NINL: variants seen among roughly 807,000 people sequenced by gnomAD.
NINL encodes the protein ninein-like protein.
NINL carries 153 observed loss-of-function variants against 160.3 expected under a neutral mutation model. The observed-to-expected ratio is 0.95, with a 90% CI of 0.84 to 1.09. The LOEUF (loss-of-function observed/expected upper bound fraction) is 1.09, where lower values mean the gene tolerates loss of function less well. Among genes scored for constraint, NINL ranks in the 50% least tolerant of loss-of-function variants. The pLI is 0.00. For missense variants in NINL, 1,829 were observed against 1,764.0 expected (o/e 1.04, Z -0.66); for synonymous variants, 800 against 734.8 (o/e 1.09, Z -1.43).
intron 1 of NINL, among the ~76,000 whole-genome samples, chr20:25,541,528 T>C (rs1347723266): frequency 6.6e-6 from 1 of 152,230 alleles, no homozygotes; most frequent in Non-Finnish European, 1.5e-5. Flanking sequence ...TATCCACACA[T>C]ACTTATATTC....
chr20:25,551,735 C>T (rs2064809215), intron 1 of NINL, among the ~76,000 whole-genome samples: 1 of 152,160 alleles, frequency 6.6e-6, no homozygotes, highest in Admixed American at 6.5e-5. Flanking sequence ...TCTTTGAAAA[C>T]AGGGAATGGA....
At chr20:25,494,655 T>G (rs1184145233) in intron 10 of NINL, among the ~76,000 whole-genome samples, 1 of 152,182 alleles carries the variant, frequency 6.6e-6, no homozygotes, top group African/African-American at 2.4e-5. Context: ...CCACCCCCTA[T>G]GGACTGAACC....
At chr20:25,474,697 C>G (rs780672985) in intron 17 of NINL, among the ~76,000 whole-genome samples, 25 of 151,166 alleles carry the variant, frequency 1.7e-4, no homozygotes, top group Non-Finnish European at 3.4e-4. Context: ...TCACTGAAAC[C>G]TCTGCCTCTC....
At chr20:25,562,786 A>G in intron 1 of NINL, among the ~76,000 whole-genome samples, 1 of 152,044 alleles carries the variant, frequency 6.6e-6, no homozygotes, top group East Asian at 1.9e-4. Flanking sequence ...AAAAAAAAAC[A>G]AAAACAAAAA....
intron 1 of NINL, among the ~76,000 whole-genome samples, chr20:25,528,770 T>C (rs1031885447): frequency 6.6e-6 from 1 of 152,158 alleles, no homozygotes; most frequent in African/African-American, 2.4e-5. Context: ...GTTCAGCCTA[T>C]AAGGTAGGCA....
intron 23 of NINL, among the ~76,000 whole-genome samples, chr20:25,454,638 C>T (rs1404832056): frequency 2.6e-5 from 4 of 152,136 alleles, no homozygotes; most frequent in Admixed American, 6.5e-5. Flanking sequence ...AATACTTCTC[C>T]AGGTTTTCAT....
intron 1 of NINL, among the ~76,000 whole-genome samples, chr20:25,529,707 G>A (rs1600283967): frequency 6.6e-6 from 1 of 152,286 alleles, no homozygotes; most frequent in Middle Eastern, 3.4e-3. Context: ...GGGCGTGGTG[G>A]TGCATGCCTG....
intron 1 of NINL, among the ~76,000 whole-genome samples, chr20:25,527,583 A>G (rs1163866197): frequency 1.3e-5 from 2 of 152,126 alleles, no homozygotes; most frequent in African/African-American, 4.8e-5. Context: ...CAATAAGGAA[A>G]AAAAGGAAAC....
chr20:25,461,842 T>G (rs896593082), intron 20 of NINL, among the ~76,000 whole-genome samples: 2 of 152,206 alleles, frequency 1.3e-5, no homozygotes, highest in Non-Finnish European at 2.9e-5. Context: ...TGAGACAGTG[T>G]CAGGTGCGCC....
chr20:25,544,993 A>G (rs558211059), intron 1 of NINL, among the ~76,000 whole-genome samples: 1 of 152,366 alleles, frequency 6.6e-6, no homozygotes, highest in South Asian at 2.1e-4. Context: ...AAGTGAGATG[A>G]GGGACTGAGG....
rs1227094173 is a variant in NINL at position 25,462,527 on chromosome 20, C to T, written c.3438G>A (p.Lys1146=). The stretch of plus-strand genomic sequence containing the variant: ...TGACATTGAGCTGGGATAATTGATC[C>T]TTGTAGTTCTGATTCTGGGGGAAAA... ...EVLNRQNQNY[K]DQLSQLNVRV... The change falls in exon 20 of 24, where the codon AAG becomes AAA. Residue 1146 remains lysine, a synonymous_variant. Coordinates refer to ENST00000278886, the MANE Select transcript of NINL (RefSeq NM_025176.6). The T allele has an allele frequency of 1.2e-6, 2 of 1,603,496 alleles. No homozygotes were observed. Among genetic ancestry groups the T allele is most frequent in the Non-Finnish European group, 1.7e-6 (2 of 1,177,608 alleles).
rs1177742065 is a variant in NINL at position 25,526,467 on chromosome 20, G to A, written c.121C>T (p.Leu41=). Residue 41 remains leucine, a synonymous_variant, in exon 2 of 24, where the codon CTG becomes TTG. Transcript: ENST00000278886. ...AGGAGGACGGGCAGCTGCTGCTCCA[G>A]GTGAAGCTTAAGGCAGAGCTGGGTC... is the stretch of plus-strand genomic sequence containing the variant. The part of the protein sequence containing the change: ...ELTQLCLKLH[L]EQQLPVLLQT... The A allele has an allele frequency of 1.1e-5, 18 of 1,614,078 alleles. No individual in the cohort carries two copies. Among genetic ancestry groups the A allele is most frequent in the Non-Finnish European group, 1.4e-5 (16 of 1,180,028 alleles).
intron 5 of NINL, among the ~76,000 whole-genome samples, chr20:25,506,298 T>C (rs2063961530): frequency 6.6e-6 from 1 of 152,158 alleles, no homozygotes; most frequent in African/African-American, 2.4e-5. Flanking sequence ...TATTTGTATT[T>C]ACAATAAAAA....
chr20:25,554,523 G>A (rs1261443873), intron 1 of NINL, among the ~76,000 whole-genome samples: 1 of 151,418 alleles, frequency 6.6e-6, no homozygotes, highest in Non-Finnish European at 1.5e-5. Flanking sequence ...AGTGGTTCAT[G>A]CCTGTAATCC....
rs773118633 is a variant in NINL at position 25,526,524 on chromosome 20, T to C, written c.64A>G (p.Thr22Ala). 5.6e-6 allele frequency: 9 copies of C among 1,614,198 alleles called. No homozygotes were observed. The highest frequency in any genetic ancestry group is 2.2e-5 in the East Asian group (1 of 44,888). Residue 22 changes from threonine to alanine, a missense_variant, in exon 2 of 24, where the codon ACG becomes GCG. Coordinates refer to ENST00000278886, the MANE Select transcript of NINL (RefSeq NM_025176.6). Reference protein sequence around the residue: ...LREVYSSCDTTGTGFLDRQEL... With the variant: ...LREVYSSCDTAGTGFLDRQEL... ...TGGCGGTCCAGAAAGCCAGTCCCCG[T>C]GGTGTCGCAGCTGCTGTAGACTTCC...
At chr20:25,487,937 C>T (rs1380024756) in intron 13 of NINL, among the ~76,000 whole-genome samples, 1 of 152,228 alleles carries the variant, frequency 6.6e-6, no homozygotes, top group African/African-American at 2.4e-5. Flanking sequence ...GAGAAACACC[C>T]GAGCTTTAAA....
intron 1 of NINL, among the ~76,000 whole-genome samples, chr20:25,532,379 C>T (rs2064480420): frequency 1.3e-5 from 2 of 152,242 alleles, no homozygotes; most frequent in African/African-American, 4.8e-5. Context: ...GCCAGCAGGG[C>T]TGGCGTCTGG....
intron 19 of NINL, among the ~76,000 whole-genome samples, chr20:25,463,119 A>G (rs139034041): frequency 2.0e-5 from 3 of 152,252 alleles, no homozygotes; most frequent in Non-Finnish European, 4.4e-5. Flanking sequence ...TTGACACCCT[A>G]CAACACAGAT....
intron 13 of NINL, among the ~76,000 whole-genome samples, chr20:25,488,698 C>A (rs1211127159): frequency 1.3e-5 from 2 of 151,956 alleles, no homozygotes; most frequent in Non-Finnish European, 2.9e-5. Context: ...GTTTTTATTT[C>A]TTTTGGAAAA....
Sources: gnomAD v4.1 joint callset for allele counts (sites outside exome capture counted in the v4.1 genomes callset) on GRCh38, gnomAD v4.1.1 for gene constraint, MANE v1.5 for transcripts, NCBI Gene and HGNC (gene_info 2026-07-23, HGNC 2026-07-21) for gene names.